ABCB5: variants seen among roughly 807,000 people sequenced by gnomAD.
The protein encoded by ABCB5 is ATP-binding cassette sub-family B member 5.
Under a neutral mutation model 144.2 loss-of-function variants are expected in ABCB5, and 155 were observed. The observed-to-expected ratio is 1.08, with a 90% CI of 0.94 to 1.23. The LOEUF is 1.23. Ranked by LOEUF, ABCB5 falls within the 50% of genes most tolerant of loss-of-function variation. ABCB5 has a pLI of 0.00. For missense variants in ABCB5, 1,830 were observed against 1,520.8 expected (o/e 1.20, Z -3.38); for synonymous variants, 610 against 528.6 (o/e 1.15, Z -2.11).
chr7:20,628,092 T>A (rs536640675), intron 3 of ABCB5, among the ~76,000 whole-genome samples: 6 of 152,184 alleles, frequency 3.9e-5, no homozygotes, highest in Admixed American at 3.9e-4. Context: ...ATGTGCCATG[T>A]TGGTTTGCTG....
chr7:20,627,007 G>A lies in ABCB5; in HGVS notation c.108+396G>A, dbSNP rs570286336. Among the ~76,000 whole-genome samples the A allele has an allele frequency of 2.0e-5, 3 of 152,032 alleles. No homozygotes were observed. In the South Asian group the frequency reaches 6.2e-4, roughly 32 times the overall value. ...CAATGATTCTGCATTGTTATGTGTT[G>A]TTATTATTTTTATAGTGTTACAAAT... On this transcript the variant is annotated intron_variant, in intron 3 of 27. Transcript: ENST00000404938.
intron 14 of ABCB5, among the ~76,000 whole-genome samples, chr7:20,661,525 CTTTCT>C (rs955950114): frequency 7.0e-5 from 10 of 142,328 alleles, no homozygotes; most frequent in Middle Eastern, 3.2e-3. Context: ...TTTTTGCTTT[CTTTCT>C]TTTCTTTTTC....
At chr7:20,745,518 A>T in intron 26 of ABCB5, 80 bp downstream of exon 26, 1 of 1,243,830 alleles carries the variant, frequency 8.0e-7, no homozygotes, top group Non-Finnish European at 1.1e-6. Flanking sequence ...AGTTGTTTTT[A>T]TGTATTCCTT....
At chr7:20,739,868 C>G (rs1782506195) in intron 24 of ABCB5, among the ~76,000 whole-genome samples, 1 of 152,044 alleles carries the variant, frequency 6.6e-6, no homozygotes, top group South Asian at 2.1e-4. Flanking sequence ...GCCTCAAACT[C>G]TAAAAGACTG....
At chr7:20,686,931 C>T (rs112572841) in intron 16 of ABCB5, among the ~76,000 whole-genome samples, 270 of 152,270 alleles carry the variant, frequency 1.8e-3, no homozygotes, top group African/African-American at 5.9e-3. Flanking sequence ...ATTGCTAATC[C>T]ATTGCTTTTA....
chr7:20,739,812 A>T (rs983714878), intron 24 of ABCB5, among the ~76,000 whole-genome samples: 3 of 152,208 alleles, frequency 2.0e-5, no homozygotes, highest in African/African-American at 7.2e-5. Flanking sequence ...CAAAGGGGAA[A>T]AAAAGGAAAG....
intron 1 of ABCB5, among the ~76,000 whole-genome samples, chr7:20,620,272 T>A (rs1229094925): frequency 1.3e-5 from 2 of 152,132 alleles, no homozygotes; most frequent in African/African-American, 4.8e-5. Flanking sequence ...GTTAAAGACC[T>A]AATCATAAGT....
intron 14 of ABCB5, among the ~76,000 whole-genome samples, chr7:20,671,100 T>C (rs1785449919): frequency 6.6e-6 from 1 of 152,130 alleles, no homozygotes; most frequent in Admixed American, 6.5e-5. Context: ...AAATGACCCA[T>C]AGAAACTTAC....
At chr7:20,661,127 C>T (rs1784988817) in intron 14 of ABCB5, among the ~76,000 whole-genome samples, 1 of 152,168 alleles carries the variant, frequency 6.6e-6, no homozygotes, top group African/African-American at 2.4e-5. Flanking sequence ...TTGGTGACAT[C>T]GTACTTCAAC....
At chr7:20,741,569 AT>A (rs34221966) in intron 24 of ABCB5, among the ~76,000 whole-genome samples, 79,948 of 151,368 alleles carry the variant, frequency 0.53, 21,369 homozygotes, top group East Asian at 0.64. Context: ...ATCCTTCCAG[AT>A]TTTTTTTTTC....
chr7:20,638,573 A>G (rs930282203), intron 5 of ABCB5, among the ~76,000 whole-genome samples: 2 of 152,210 alleles, frequency 1.3e-5, no homozygotes, highest in Non-Finnish European at 2.9e-5. Flanking sequence ...AAAGATTTGC[A>G]TATTACTGAC....
At chr7:20,659,228 T>C in intron 14 of ABCB5, 1 of 1,570,286 alleles carries the variant, frequency 6.4e-7, no homozygotes, top group Non-Finnish European at 8.6e-7. Flanking sequence ...GTTGTGGCCC[T>C]GCACCAAATT....
Position 20,689,101 on chromosome 7 carries a change from G to C in ABCB5, c.2010+3265G>C, listed in dbSNP as rs868472295. ...CTGCACGTTGTGCACATGTACCCTA[G>C]AACTTAAAGTATAATAATAAAATAA... On this transcript the variant is annotated intron_variant, in intron 16 of 27. Coordinates refer to ENST00000404938, the MANE Select transcript of ABCB5 (RefSeq NM_001163941.2). 1.1e-4 allele frequency among the ~76,000 whole-genome samples: 16 copies of C among 152,114 alleles called. No homozygotes were observed. In the South Asian group the frequency reaches 3.3e-3, roughly 32 times the overall value.
chr7:20,702,350 T>C (rs1474491512), intron 19 of ABCB5, among the ~76,000 whole-genome samples: 2 of 152,204 alleles, frequency 1.3e-5, no homozygotes, highest in Non-Finnish European at 2.9e-5. Context: ...TATGATAGCA[T>C]TGATGGTGAT....
intron 7 of ABCB5, among the ~76,000 whole-genome samples, chr7:20,645,516 T>C (rs1054163753): frequency 1.3e-5 from 2 of 152,218 alleles, no homozygotes; most frequent in East Asian, 3.8e-4. Context: ...ATGGGACATA[T>C]AATGGAGAAA....
intron 19 of ABCB5, among the ~76,000 whole-genome samples, chr7:20,702,975 C>A (rs1457801401): frequency 1.3e-5 from 2 of 151,924 alleles, no homozygotes; most frequent in East Asian, 3.9e-4. Flanking sequence ...GGAAAACAAT[C>A]CCTGGAGTAC....
At chr7:20,645,168 C>A (rs1402739345) in intron 7 of ABCB5, among the ~76,000 whole-genome samples, 1 of 152,238 alleles carries the variant, frequency 6.6e-6, no homozygotes, top group Non-Finnish European at 1.5e-5. Context: ...TCCTTCAATT[C>A]AACTTGACAA....
intron 7 of ABCB5, among the ~76,000 whole-genome samples, chr7:20,644,371 G>A (rs912636731): frequency 1.3e-5 from 2 of 152,110 alleles, no homozygotes; most frequent in South Asian, 2.1e-4. Flanking sequence ...GTGAGCCACC[G>A]CACCCAGCCA....
At chr7:20,684,250 T>C (rs1785919075) in intron 15 of ABCB5, among the ~76,000 whole-genome samples, 1 of 152,228 alleles carries the variant, frequency 6.6e-6, no homozygotes, top group Non-Finnish European at 1.5e-5. Flanking sequence ...ATTGCTTTAG[T>C]GAGTTTGTAT....
Sources: gnomAD v4.1 joint callset for allele counts (sites outside exome capture counted in the v4.1 genomes callset) on GRCh38, gnomAD v4.1.1 for gene constraint, MANE v1.5 for transcripts, NCBI Gene and HGNC (gene_info 2026-07-23, HGNC 2026-07-21) for gene names.